The following FLG2 variants were observed in gnomAD, a reference collection of about 807,000 sequenced individuals.
FLG2 encodes filaggrin 2, also known as filaggrin-2.
A neutral mutation model predicts 3.9 loss-of-function variants in FLG2; 7 were observed. The observed-to-expected ratio is 1.79, with a 90% CI of 1.02 to 3.36. FLG2 has a LOEUF of 3.36. FLG2 is among the 30% of genes most tolerant of loss of function. The probability of loss-of-function intolerance (pLI) is 0.00; values close to 1 mark genes in which losing one functional copy is unlikely to be tolerated. For missense variants in FLG2, 2,700 were observed against 2,809.4 expected, an observed-to-expected ratio of 0.96 and a Z score of 0.88; for synonymous variants, 1,031 against 1,056.1, an observed-to-expected ratio of 0.98 and a Z score of 0.46.
At position 152,352,473 on chromosome 1, in the gene FLG2, A is replaced by C. The variant is rs772655339; in HGVS notation, c.5313T>G (p.His1771Gln). ...GTCTGGTGGTATCGCCTGTCTGTCC[A>C]TGTATAGTTCCATGTCTCTCATGAA... ...SIVHERHGTI[H>Q]GQTGDTTRHA... Residue 1771 changes from histidine (H) to glutamine (Q), a missense_variant, in exon 3 of 3, where the codon CAT (histidine) becomes CAG (glutamine). By Grantham distance (24) the His-to-Gln change is conservative. Transcript: ENST00000388718. The C allele has an allele frequency of 1.2e-6, 2 of 1,612,238 alleles. No homozygotes were observed. Among genetic ancestry groups the C allele is most frequent in the East Asian group, 2.2e-5 (1 of 44,748 alleles).
Position 152,354,613 on chromosome 1 carries a change from G to A in FLG2, c.3173C>T (p.Ser1058Leu). ...SSGFGQHGTGSGQSSGFGQYE... is the reference protein window; with the variant it reads ...SSGFGQHGTGLGQSSGFGQYE... ...TTGTCCAAAACCAGAGGATTGTCCT[G>A]AACCAGTCCCATGTTGTCCAAAGCC... Residue 1058 changes from serine to leucine, a missense_variant, in exon 3 of 3, where the codon TCA (serine) becomes TTA (leucine). Ser to Leu is a moderately radical substitution (Grantham distance 145, BLOSUM62 -2). Coordinates refer to ENST00000388718, the MANE Select transcript of FLG2 (RefSeq NM_001014342.3). 6.2e-7 allele frequency: 1 copy of A among 1,613,952 alleles called. No individual in the cohort carries two copies. The highest frequency in any genetic ancestry group is 8.5e-7 in the Non-Finnish European group (1 of 1,179,998).
chr1:152,355,660 T>C lies in FLG2; in HGVS notation c.2126A>G (p.His709Arg), dbSNP rs1654189719. Reference sequence around the variant, plus strand: ...AGATGTCTGTCCTGAACTTGACCCATGTTGACCATAGCCAGATGATTGACT... The same window carrying C: ...AGATGTCTGTCCTGAACTTGACCCACGTTGACCATAGCCAGATGATTGACT... Reference protein sequence around the residue: ...GSSQSSGYGQHGSSSGQTSGF... With the variant: ...GSSQSSGYGQRGSSSGQTSGF... Residue 709 changes from histidine (H) to arginine (R), a missense_variant, in exon 3 of 3, where the codon CAT (histidine) becomes CGT (arginine). Coordinates refer to ENST00000388718, the MANE Select transcript of FLG2 (RefSeq NM_001014342.3). 6.2e-7 allele frequency: 1 copy of C among 1,613,790 alleles called. No homozygotes were observed. Among genetic ancestry groups the C allele is most frequent in the African/African-American group, 1.3e-5 (1 of 74,868 alleles).
At chr1:152,358,636 T>C (rs1654338105) in intron 2 of FLG2, 111 bp downstream of exon 2, 15 of 1,022,072 alleles carry the variant, frequency 1.5e-5, no homozygotes, top group Non-Finnish European at 2.0e-5. Context: ...ATACCACTCA[T>C]AGAGTTTGCT....
rs767972573 is a variant in FLG2 at position 152,353,739 on chromosome 1, A to G, written c.4047T>C (p.Asp1349=). ...CTGAGTGCACTTCACTGTCAGTGGCATCACTGTGGCTAAATCTCTGTCTTC... is the reference window on the plus strand; with the variant it reads ...CTGAGTGCACTTCACTGTCAGTGGCGTCACTGTGGCTAAATCTCTGTCTTC... The part of the protein sequence containing the change: ...TSGRQRFSHS[D]ATDSEVHSGV... Residue 1349 remains aspartate (D), a synonymous_variant, in exon 3 of 3, where the codon GAT becomes GAC. Coordinates refer to ENST00000388718, the MANE Select transcript of FLG2 (RefSeq NM_001014342.3). 1 of 1,613,412 alleles carries G rather than the reference A, an allele frequency of 6.2e-7. No individual in the cohort carries two copies.
rs1436861704 is a variant in FLG2 at position 152,351,973 on chromosome 1, C to T, written c.5813G>A (p.Gly1938Glu). The T allele has an allele frequency of 1.9e-6, 3 of 1,613,566 alleles. No individual in the cohort carries two copies. The highest frequency in any genetic ancestry group is 1.7e-6 in the Non-Finnish European group (2 of 1,179,838). Residue 1938 changes from glycine (G) to glutamate (E), a missense_variant, in exon 3 of 3, where the codon GGA becomes GAA. Physicochemically the swap from Gly to Glu is moderately conservative, Grantham distance 98. Coordinates refer to ENST00000388718, the MANE Select transcript of FLG2 (RefSeq NM_001014342.3). ...CCTGGACCCTGTCTGTATGGTTTGT[C>T]CATGACTAGGGTGGCCATGTTCAGT... ...DTTEHGHPSH[G>E]QTIQTGSRTT... is the part of the protein sequence containing the mutation.
In FLG2 at chr1:152,356,773, C is replaced by T; in HGVS notation, c.1013G>A (p.Cys338Tyr). Residue 338 changes from cysteine (C) to tyrosine (Y), a missense_variant, in exon 3 of 3, where the codon TGT becomes TAT. Physicochemically the swap from Cys to Tyr is radical, Grantham distance 194. Transcript: ENST00000388718. Reference sequence around the variant, plus strand: ...ACAGGGGTTAGACTCAGGTTGACCACATCCAGAGGGCTGACCTCCTGAGAC... The same window carrying T: ...ACAGGGGTTAGACTCAGGTTGACCATATCCAGAGGGCTGACCTCCTGAGAC... ...GCVSGGQPSGCGQPESNPCSQ... is the reference protein window; with the variant it reads ...GCVSGGQPSGYGQPESNPCSQ... The T allele has an allele frequency of 6.2e-7, 1 of 1,614,054 alleles. No individual in the cohort carries two copies. The highest frequency in any genetic ancestry group is 8.5e-7 in the Non-Finnish European group (1 of 1,179,894).
Position 152,352,877 on chromosome 1 carries a change from G to A in FLG2, c.4909C>T (p.Gln1637Ter). Residue 1637 changes from glutamine to a stop codon, truncating the protein, a stop_gained, in exon 3 of 3, where the codon CAG becomes TAG. Transcript: ENST00000388718. LOFTEE classifies it low-confidence loss of function (END_TRUNC). ...GTCCTGGACCCTCTCTGTGTGGACT[G>A]TCCATGACCAGAGTGGGAATGTCCA... ...TTGHSHSGHG[Q>*]STQRGSRTTG... is the part of the protein sequence containing the mutation. 6.2e-7 allele frequency: 1 copy of A among 1,612,596 alleles called. No homozygotes were observed. The highest frequency in any genetic ancestry group is 8.5e-7 in the Non-Finnish European group (1 of 1,179,562).
rs2101675892 is a variant in FLG2, at chr1:152,352,105, T to C, written c.5681A>G (p.His1894Arg). ...SDSEVHSGGS[H>R]THSGHTHSQA... is the part of the protein sequence containing the mutation. The stretch of plus-strand genomic sequence containing the variant: ...GCTGTGTGTGTGTCCTGAATGTGTA[T>C]GTGAGCCCCCTGAGTGCACTTCACT... The change falls in exon 3 of 3, where the codon CAT becomes CGT. Residue 1894 changes from histidine (H) to arginine (R), a missense_variant. Coordinates refer to ENST00000388718, the MANE Select transcript of FLG2 (RefSeq NM_001014342.3). 13 of 1,613,742 alleles carry C rather than the reference T, an allele frequency of 8.1e-6. No individual in the cohort carries two copies. The highest frequency in any genetic ancestry group is 1.1e-5 in the Non-Finnish European group (13 of 1,179,910).
rs1557896877 is a variant in FLG2, at chr1:152,353,704, T to C, written c.4082A>G (p.His1361Arg). The stretch of plus-strand genomic sequence containing the variant: ...AGTTTGTTCTTGTGAGTGTGGTCTA[T>C]GTGAGACCCCTGAGTGCACTTCACT... ...TDSEVHSGVSHRPHSQEQTHS... is the reference protein window; with the variant it reads ...TDSEVHSGVSRRPHSQEQTHS... Residue 1361 changes from histidine to arginine, a missense_variant, in exon 3 of 3, where the codon CAT (histidine) becomes CGT (arginine). His to Arg is a conservative substitution (Grantham distance 29). Coordinates refer to ENST00000388718, the MANE Select transcript of FLG2 (RefSeq NM_001014342.3). The C allele has an allele frequency of 1.9e-6, 3 of 1,614,160 alleles. No homozygotes were observed. The highest frequency in any genetic ancestry group is 4.5e-5 in the East Asian group (2 of 44,872).
rs894704015 is a variant in FLG2, at chr1:152,351,982, G to A, written c.5804C>T (p.Pro1935Leu). ...QTGDTTEHGH[P>L]SHGQTIQTGS... ...TGTCTGTATGGTTTGTCCATGACTAGGGTGGCCATGTTCAGTGGTATCTCC... is the reference window on the plus strand; with the variant it reads ...TGTCTGTATGGTTTGTCCATGACTAAGGTGGCCATGTTCAGTGGTATCTCC... The change falls in exon 3 of 3, where the codon CCT becomes CTT. Residue 1935 changes from proline (P) to leucine (L), a missense_variant. Physicochemically the swap from Pro to Leu is moderately conservative, Grantham distance 98 (BLOSUM62 -3). Coordinates refer to ENST00000388718, the MANE Select transcript of FLG2 (RefSeq NM_001014342.3). The A allele has an allele frequency of 6.2e-7, 1 of 1,613,518 alleles. No homozygotes were observed. The highest frequency in any genetic ancestry group is 8.5e-7 in the Non-Finnish European group (1 of 1,179,840).
Position 152,355,620 on chromosome 1 carries a change from G to A in FLG2, c.2166C>T (p.His722=), listed in dbSNP as rs751358533. The A allele has an allele frequency of 2.7e-5, 43 of 1,609,272 alleles. No individual in the cohort carries two copies. In the East Asian group the frequency reaches 3.6e-4, roughly 13 times the overall value. Residue 722 remains histidine, a synonymous_variant, in exon 3 of 3, where the codon CAC becomes CAT. Transcript: ENST00000388718. ...TGGAAGACTGACCTGAGCTTAACTC[G>A]TGTTGTCCAAATCCAGATGTCTGTC... is the stretch of plus-strand genomic sequence containing the variant. ...SSGQTSGFGQ[H]ELSSGQSSSF... is the part of the protein sequence containing the mutation.
chr1:152,352,943 C>A lies in FLG2; in HGVS notation c.4843G>T (p.Glu1615Ter), dbSNP rs775177169. 1.2e-5 allele frequency: 19 copies of A among 1,613,608 alleles called. No individual in the cohort carries two copies. Among genetic ancestry groups the A allele is most frequent in the Non-Finnish European group, 1.5e-5 (18 of 1,179,960 alleles). ...QHEEPEFTVH[E>*]RHGTTHGQIG... The stretch of plus-strand genomic sequence containing the variant: ...TGTCCATGAGTAGTTCCGTGTCTCT[C>A]ATGAACTGTGAATTCTGGCTCTTCA... The change falls in exon 3 of 3, where the codon GAG becomes TAG. Residue 1615 changes from glutamate (E) to a stop codon, truncating the protein, a stop_gained. Transcript: ENST00000388718. LOFTEE classifies it low-confidence loss of function (END_TRUNC).
In FLG2 at chr1:152,352,060, C is replaced by G; in HGVS notation, c.5726G>C (p.Gly1909Ala). ...HTHSQARSQH[G>A]ESESTVHKRH... ...CTTGTGAACTGTGGATTCTGACTCTCCATGTTGAGACCTGGCTTGGCTGTG... is the reference window on the plus strand; with the variant it reads ...CTTGTGAACTGTGGATTCTGACTCTGCATGTTGAGACCTGGCTTGGCTGTG... The change falls in exon 3 of 3, where the codon GGA becomes GCA. Residue 1909 changes from glycine (G) to alanine (A), a missense_variant. Coordinates refer to ENST00000388718, the MANE Select transcript of FLG2 (RefSeq NM_001014342.3). The G allele has an allele frequency of 6.2e-7, 1 of 1,612,674 alleles. No homozygotes were observed. Among genetic ancestry groups the G allele is most frequent in the Admixed American group, 1.7e-5 (1 of 59,858 alleles).
rs764625506 is a variant in FLG2 at position 152,353,937 on chromosome 1, C to T, written c.3849G>A (p.Lys1283=). The T allele has an allele frequency of 2.5e-6, 4 of 1,614,092 alleles. No individual in the cohort carries two copies. In the South Asian group the frequency reaches 4.4e-5, roughly 18 times the overall value. Residue 1283 remains lysine, a synonymous_variant, in exon 3 of 3, where the codon AAG becomes AAA. Transcript: ENST00000388718. The stretch of plus-strand genomic sequence containing the variant: ...TGTGTTCTGAATGTCTGTGTGAGAC[C>T]TTTGAGTGCACTTCACTGTCACTGT... ...SENSDSEVHS[K]VSHRHSEHIH... is the part of the protein sequence containing the mutation.
Position 152,354,279 on chromosome 1 carries a change from A to G in FLG2, c.3507T>C (p.His1169=). The G allele has an allele frequency of 1.2e-6, 2 of 1,614,174 alleles. No homozygotes were observed. The highest frequency in any genetic ancestry group is 2.7e-5 in the African/African-American group (2 of 75,076). The change falls in exon 3 of 3, where the codon CAT becomes CAC. Residue 1169 remains histidine, a synonymous_variant. Transcript: ENST00000388718. ...TTGTGGTTGGACCTGAGCCAGACTCATGTTGGCCACAGCCAGATGATTGAC... is the reference window on the plus strand; with the variant it reads ...TTGTGGTTGGACCTGAGCCAGACTCGTGTTGGCCACAGCCAGATGATTGAC... The part of the protein sequence containing the change: ...GSSQSSGCGQ[H]ESGSGPTTSF...
Position 152,353,447 on chromosome 1 carries a change from G to T in FLG2, c.4339C>A (p.His1447Asn), listed in dbSNP as rs1654050968. ...CCATGTTGAGATCCGGCTTGGCCAT[G>T]AGTTTGTTCTTGTGATTGTGGTCTG... is the stretch of plus-strand genomic sequence containing the variant. ...SHRPQSQEQTHGQAGSQHGES... is the reference protein window; with the variant it reads ...SHRPQSQEQTNGQAGSQHGES... The change falls in exon 3 of 3, where the codon CAT (histidine) becomes AAT (asparagine). Residue 1447 changes from histidine (H) to asparagine (N), a missense_variant. Transcript: ENST00000388718. 6.8e-6 allele frequency: 11 copies of T among 1,610,446 alleles called. No homozygotes were observed. Among genetic ancestry groups the T allele is most frequent in the Non-Finnish European group, 9.3e-6 (11 of 1,178,714 alleles).
chr1:152,352,655 C>T lies in FLG2; in HGVS notation c.5131G>A (p.Gly1711Arg). Residue 1711 changes from glycine to arginine, a missense_variant, in exon 3 of 3, where the codon GGA (glycine) becomes AGA (arginine). Coordinates refer to ENST00000388718, the MANE Select transcript of FLG2 (RefSeq NM_001014342.3). The part of the protein sequence containing the change: ...DTTRHAHYHH[G>R]LTTQTGSRTT... ...CTGGACCCTGTCTGTGTGGTTAATC[C>T]ATGATGATAGTGGGCATGTCTAGTG... is the stretch of plus-strand genomic sequence containing the variant. 1 of 1,613,830 alleles carries T rather than the reference C, an allele frequency of 6.2e-7. No individual in the cohort carries two copies. Among genetic ancestry groups the T allele is most frequent in the Non-Finnish European group, 8.5e-7 (1 of 1,179,930 alleles).
Position 152,354,152 on chromosome 1 carries a change from A to T in FLG2, c.3634T>A (p.Ser1212Thr), listed in dbSNP as rs1425863443. 4 of 1,614,236 alleles carry T rather than the reference A, an allele frequency of 2.5e-6. No homozygotes were observed. The highest frequency in any genetic ancestry group is 3.4e-6 in the Non-Finnish European group (4 of 1,180,032). The stretch of plus-strand genomic sequence containing the variant: ...TGGCCCAAGCCAGTTGATTGACCTG[A>T]GCCTGAACCATATTGGCCAAATCCA... ...STGFGQYGSG[S>T]GQSTGLGQGE... Residue 1212 changes from serine (S) to threonine (T), a missense_variant, in exon 3 of 3, where the codon TCA becomes ACA. Ser to Thr is a moderately conservative substitution (Grantham distance 58). Coordinates refer to ENST00000388718, the MANE Select transcript of FLG2 (RefSeq NM_001014342.3).
intron 2 of FLG2, 64 bp from the exon 3 acceptor site, chr1:152,357,711 T>A: frequency 8.9e-7 from 1 of 1,129,546 alleles, no homozygotes; most frequent in Non-Finnish European, 1.3e-6. Flanking sequence ...AACTAACACA[T>A]TTAAATAGCG....
Sources: allele counts gnomAD v4.1 joint callset, GRCh38; gene constraint gnomAD v4.1.1; transcripts MANE v1.5; gene names NCBI Gene and HGNC (gene_info 2026-07-23, HGNC 2026-07-21).